Variants in CPNE9 observed in about 807,000 individuals in gnomAD.
CPNE9 encodes the protein copine family member 9.
CPNE9 carries 59 observed loss-of-function variants against 83.0 expected under a neutral mutation model. The ratio of observed to expected loss-of-function variants is 0.71; its 90% CI spans 0.58 to 0.88. The LOEUF (loss-of-function observed/expected upper bound fraction) is 0.88, where lower values mean the gene tolerates loss of function less well. Among genes scored for constraint, CPNE9 ranks in the 40% least tolerant of loss-of-function variants. The pLI, the probability that CPNE9 is intolerant of heterozygous loss-of-function variation, is 0.00. For missense variants in CPNE9, 619 were observed against 720.8 expected, an observed-to-expected ratio of 0.86 and a Z score of 1.62; for synonymous variants, 256 against 273.4, an observed-to-expected ratio of 0.94 and a Z score of 0.63.
chr3:9,712,486 C>A, intron 7 of CPNE9, 55 bp from the exon 8 acceptor site: 1 of 1,466,102 alleles, frequency 6.8e-7, no homozygotes, highest in Non-Finnish European at 9.6e-7. Context: ...ACTGGCCACT[C>A]AATCCTTGTT....
At chr3:9,719,285 C>T (rs898534796) in intron 17 of CPNE9, among the ~76,000 whole-genome samples, 3 of 152,140 alleles carry the variant, frequency 2.0e-5, no homozygotes, top group African/African-American at 7.2e-5. Flanking sequence ...ACCAATCCCC[C>T]GTGGATACTG....
rs776101753 is a variant in CPNE9, at chr3:9,715,484, T to C, written c.780T>C (p.Pro260=). The C allele has an allele frequency of 6.2e-7, 1 of 1,614,016 alleles. No individual in the cohort carries two copies. Among genetic ancestry groups the C allele is most frequent in the Admixed American group, 1.7e-5 (1 of 60,016 alleles). ...CCTCCTCCCCTTAGGTTCTTAACCC[T>C]CGGAAGAAATGTAAGAAGAAGAAAT... ...NQFTVYEVLN[P]RKKCKKKKYV... Residue 260 remains proline, a synonymous_variant, in exon 13 of 21, where the codon CCT becomes CCC. Transcript: ENST00000383832.
At chr3:9,706,180 C>G in intron 7 of CPNE9, 117 bp downstream of exon 7, 1 of 898,724 alleles carries the variant, frequency 1.1e-6, no homozygotes, top group Non-Finnish European at 1.7e-6. Context: ...AGGAGCCTGC[C>G]CCGGCTCCCA....
intron 17 of CPNE9, among the ~76,000 whole-genome samples, chr3:9,719,084 G>C (rs1337401151): frequency 6.6e-6 from 1 of 151,846 alleles, no homozygotes; most frequent in Non-Finnish European, 1.5e-5. Context: ...TGATCCACCT[G>C]CCTCAGCCTC....
At position 9,706,018 on chromosome 3, in the gene CPNE9, G is replaced by A. The variant is rs1171162539; in HGVS notation, c.332G>A (p.Gly111Glu). ...DFLGQAFLAL[G>E]EVIGGQGSRV... Reference sequence around the variant, plus strand: ...CTGGGACAAGCGTTCCTGGCCCTGGGAGAGGTGATTGGAGGCCAGGGCAGC... The same window carrying A: ...CTGGGACAAGCGTTCCTGGCCCTGGAAGAGGTGATTGGAGGCCAGGGCAGC... The change falls in exon 7 of 21, where the codon GGA (glycine) becomes GAA (glutamate). Residue 111 changes from glycine to glutamate, a missense_variant. By Grantham distance (98) the Gly-to-Glu change is moderately conservative. Coordinates refer to ENST00000383832, the MANE Select transcript of CPNE9 (RefSeq NM_153635.3). 6.2e-7 allele frequency: 1 copy of A among 1,613,690 alleles called. No individual in the cohort carries two copies. Among genetic ancestry groups the A allele is most frequent in the South Asian group, 1.1e-5 (1 of 91,080 alleles).
At chr3:9,709,371 T>C (rs1235879500) in intron 7 of CPNE9, among the ~76,000 whole-genome samples, 1 of 148,344 alleles carries the variant, frequency 6.7e-6, no homozygotes, top group Admixed American at 6.6e-5. Flanking sequence ...ATAATTTTTT[T>C]TTTTTTTTTT....
chr3:9,716,961 T>G, intron 14 of CPNE9, 97 bp from the exon 15 acceptor site: 7 of 1,293,908 alleles, frequency 5.4e-6, no homozygotes, highest in Non-Finnish European at 7.8e-6. Flanking sequence ...CATTTTAACA[T>G]GAGCCCCACG....
intron 20 of CPNE9, among the ~76,000 whole-genome samples, chr3:9,728,293 G>A (rs1346877913): frequency 6.6e-6 from 1 of 152,194 alleles, no homozygotes; most frequent in Non-Finnish European, 1.5e-5. Context: ...TTTGAGACCA[G>A]CCTGGACAAC....
Position 9,712,965 on chromosome 3 carries a change from T to TC in CPNE9, c.546-6dup, listed in dbSNP as rs1559639115. 6.2e-7 allele frequency: 1 copy of TC among 1,610,882 alleles called. No homozygotes were observed. The highest frequency in any genetic ancestry group is 1.3e-5 in the African/African-American group (1 of 74,922). On this transcript the variant is annotated splice_polypyrimidine_tract_variant and intron_variant, in intron 9 of 20. Transcript: ENST00000383832. ...GATAAATTATACCAATTCTTCCCAC[T>TC]CCCCTCCAGGTTCACCATCTGCCAC...
intron 10 of CPNE9, among the ~76,000 whole-genome samples, chr3:9,714,043 AG>A (rs1388222570): frequency 4.6e-5 from 7 of 151,966 alleles, no homozygotes; most frequent in Non-Finnish European, 7.4e-5. Context: ...ACTGCACTCC[AG>A]CCTGGGCGAC....
rs1223834057 is a variant in CPNE9, at chr3:9,722,020, C to T, written c.1241+3418C>T. 3.3e-5 allele frequency among the ~76,000 whole-genome samples: 5 copies of T among 151,858 alleles called. No individual in the cohort carries two copies. In the East Asian group the frequency reaches 5.8e-4, roughly 18 times the overall value. On this transcript the variant is annotated intron_variant, in intron 17 of 20. Coordinates refer to ENST00000383832, the MANE Select transcript of CPNE9 (RefSeq NM_153635.3). ...TGCAACCTCTGCCCCTGGGTTCAAGCAGTTCTCCTGCCTCAGCCTCATGAG... is the reference window on the plus strand; with the variant it reads ...TGCAACCTCTGCCCCTGGGTTCAAGTAGTTCTCCTGCCTCAGCCTCATGAG...
chr3:9,705,462 A>G lies in CPNE9; in HGVS notation c.261-2A>G. The G allele has an allele frequency of 7.9e-7, 1 of 1,258,066 alleles. No individual in the cohort carries two copies. Among genetic ancestry groups the G allele is most frequent in the Admixed American group, 2.9e-5 (1 of 34,156 alleles). The allele number at this position is 1,258,066 out of a possible 1,614,324, so 77.9% of individuals were successfully genotyped here. On this transcript the variant is annotated splice_acceptor_variant, in intron 4 of 20. Coordinates refer to ENST00000383832, the MANE Select transcript of CPNE9 (RefSeq NM_153635.3). LOFTEE classifies it high-confidence loss of function. ...CCCACACCGGTTCCACTCTTTTCCC[A>G]GGTACAACGTGGACTCCAAAACCAA...
chr3:9,707,193 A>T (rs1453431906), intron 7 of CPNE9, among the ~76,000 whole-genome samples: 2 of 151,812 alleles, frequency 1.3e-5, no homozygotes, highest in Non-Finnish European at 2.9e-5. Context: ...CTCTACTAAA[A>T]ATACAAAAAC....
In CPNE9 at chr3:9,724,719, C is replaced by CCTATCTAT. The variant is rs56320778; in HGVS notation, c.1242-1183_1242-1176dup. Among the ~76,000 whole-genome samples the CCTATCTAT allele has an allele frequency of 1.2e-3, 170 of 146,934 alleles. 1 individual carries two copies. The highest frequency in any genetic ancestry group is 3.5e-3 in the Middle Eastern group (1 of 286). Reference sequence around the variant, plus strand: ...CTTACCTGCTGGGTCACATCAGGATCCTATCTATCTATCTATCTATCTATC... The same window carrying CCTATCTAT: ...CTTACCTGCTGGGTCACATCAGGATCCTATCTATCTATCTATCTATCTATCTATCTATC... On this transcript the variant is annotated intron_variant, in intron 17 of 20. Transcript: ENST00000383832.
intron 7 of CPNE9, among the ~76,000 whole-genome samples, chr3:9,710,472 G>T (rs1442290403): frequency 6.6e-6 from 1 of 152,212 alleles, no homozygotes; most frequent in Admixed American, 6.5e-5. Flanking sequence ...GAGGATGGGG[G>T]AGGAGGCTTT....
chr3:9,725,646 G>C (rs796167582), intron 17 of CPNE9, among the ~76,000 whole-genome samples: 1 of 65,120 alleles, frequency 1.5e-5, no homozygotes, highest in Non-Finnish European at 2.9e-5. Context: ...ACATGTATGT[G>C]TATATATGTG....
chr3:9,715,286 C>T lies in CPNE9; in HGVS notation c.693-3C>T. 1 of 1,614,154 alleles carries T rather than the reference C, an allele frequency of 6.2e-7. No individual in the cohort carries two copies. Among genetic ancestry groups the T allele is most frequent in the South Asian group, 1.1e-5 (1 of 91,080 alleles). ...CTGCTTAGCCACGCCCACCTCATTGCAGCCACGATTTCATTGGTGAGTTCA... is the reference window on the plus strand; with the variant it reads ...CTGCTTAGCCACGCCCACCTCATTGTAGCCACGATTTCATTGGTGAGTTCA... On this transcript the variant is annotated splice_polypyrimidine_tract_variant and splice_region_variant and intron_variant, in intron 11 of 20. Coordinates refer to ENST00000383832, the MANE Select transcript of CPNE9 (RefSeq NM_153635.3).
intron 20 of CPNE9, 104 bp from the exon 21 acceptor site, chr3:9,729,403 A>C: frequency 2.8e-6 from 4 of 1,444,752 alleles, no homozygotes; most frequent in Non-Finnish European, 1.8e-6. Context: ...ATACTGTGAT[A>C]GTTGGAAAGA....
chr3:9,715,030 G>T, intron 11 of CPNE9, 75 bp downstream of exon 11: 1 of 1,397,910 alleles, frequency 7.2e-7, no homozygotes, highest in South Asian at 1.2e-5. Context: ...TACATTCACT[G>T]AGAACCCCAA....
Sources: allele counts gnomAD v4.1 joint callset (sites outside exome capture counted in the v4.1 genomes callset), GRCh38; gene constraint gnomAD v4.1.1; transcripts MANE v1.5; gene names NCBI Gene and HGNC (gene_info 2026-07-23, HGNC 2026-07-21).